The following PDE4B variants were observed in gnomAD, a reference collection of about 807,000 sequenced individuals.
The protein encoded by PDE4B is phosphodiesterase 4B.
Under a neutral mutation model 82.2 loss-of-function variants are expected in PDE4B, and 20 were observed. The observed-to-expected ratio is 0.24, with a 90% CI of 0.17 to 0.35. PDE4B has a LOEUF of 0.35. PDE4B is among the 10% of genes least tolerant of loss of function. The probability of loss-of-function intolerance (pLI) is 1.00; values close to 1 mark genes in which losing one functional copy is unlikely to be tolerated. For synonymous variants in PDE4B, 320 were observed against 318.9 expected, an observed-to-expected ratio of 1.00 and a Z score of -0.04; for missense variants, 655 against 907.2, an observed-to-expected ratio of 0.72 and a Z score of 3.57.
intron 6 of PDE4B, among the ~76,000 whole-genome samples, chr1:66,265,403 C>T (rs1352756454): frequency 6.6e-6 from 1 of 152,140 alleles, no homozygotes; most frequent in African/African-American, 2.4e-5. Context: ...AAAGGAGGAG[C>T]CCCAGTACTA....
intron 3 of PDE4B, among the ~76,000 whole-genome samples, chr1:66,232,300 G>A (rs907836719): frequency 1.3e-5 from 2 of 152,328 alleles, no homozygotes; most frequent in Middle Eastern, 3.4e-3. Flanking sequence ...ACACTGCAAA[G>A]CTCTGTCCGG....
At chr1:65,863,253 A>C (rs1018454068) in intron 1 of PDE4B, among the ~76,000 whole-genome samples, 1 of 151,752 alleles carries the variant, frequency 6.6e-6, no homozygotes, top group African/African-American at 2.4e-5. Context: ...CCTTAATTTC[A>C]TTATCTACCC....
chr1:65,944,931 A>G (rs150051399), intron 3 of PDE4B, among the ~76,000 whole-genome samples: 18 of 152,092 alleles, frequency 1.2e-4, no homozygotes, highest in African/African-American at 3.9e-4. Flanking sequence ...ATACCAGTAG[A>G]TGAATAAGCA....
intron 1 of PDE4B, among the ~76,000 whole-genome samples, chr1:65,864,403 GCT>G (rs887347342): frequency 6.6e-6 from 1 of 152,010 alleles, no homozygotes; most frequent in African/African-American, 2.4e-5. Flanking sequence ...TTGTGCCCTT[GCT>G]GGAGAGGAGT....
intron 3 of PDE4B, among the ~76,000 whole-genome samples, chr1:66,049,180 C>T (rs1399358376): frequency 1.3e-5 from 2 of 151,970 alleles, no homozygotes; most frequent in Non-Finnish European, 2.9e-5. Flanking sequence ...CTAATCATGA[C>T]AAAGTCACTA....
intron 3 of PDE4B, among the ~76,000 whole-genome samples, chr1:66,093,940 A>G (rs978183634): frequency 3.9e-5 from 6 of 152,056 alleles, no homozygotes; most frequent in Admixed American, 6.6e-5. Flanking sequence ...TCAATTTTTT[A>G]TTGAACTTCT....
intron 3 of PDE4B, among the ~76,000 whole-genome samples, chr1:66,064,137 G>A (rs1046837001): frequency 6.6e-6 from 1 of 151,908 alleles, no homozygotes; most frequent in Non-Finnish European, 1.5e-5. Flanking sequence ...TTATATTTTA[G>A]GTTTCGCTCA....
chr1:66,063,391 G>C (rs1394523071), intron 3 of PDE4B, among the ~76,000 whole-genome samples: 1 of 152,020 alleles, frequency 6.6e-6, no homozygotes, highest in Non-Finnish European at 1.5e-5. Context: ...TACAGTGGGT[G>C]CTGGGCTCTG....
intron 3 of PDE4B, among the ~76,000 whole-genome samples, chr1:66,092,044 G>A (rs980639032): frequency 5.3e-5 from 8 of 152,000 alleles, no homozygotes; most frequent in Non-Finnish European, 1.2e-4. Flanking sequence ...AAGGCGGCTT[G>A]TGATAAATAT....
chr1:66,220,176 A>C (rs1457439686), intron 3 of PDE4B, among the ~76,000 whole-genome samples: 1 of 152,194 alleles, frequency 6.6e-6, no homozygotes, highest in Non-Finnish European at 1.5e-5. Context: ...CAAAAAGTTC[A>C]CAAGATTGGA....
intron 3 of PDE4B, among the ~76,000 whole-genome samples, chr1:66,158,607 G>T (rs1406004326): frequency 1.3e-5 from 2 of 152,116 alleles, no homozygotes; most frequent in African/African-American, 4.8e-5. Flanking sequence ...TATATTCAAA[G>T]AAAATCAGTA....
intron 3 of PDE4B, among the ~76,000 whole-genome samples, chr1:66,236,672 A>T (rs1038284696): frequency 2.6e-5 from 4 of 152,158 alleles, no homozygotes; most frequent in African/African-American, 9.7e-5. Context: ...CAAAACGATG[A>T]TGCAGGAGAG....
chr1:66,133,891 G>A (rs1256118611), intron 3 of PDE4B, among the ~76,000 whole-genome samples: 1 of 152,148 alleles, frequency 6.6e-6, no homozygotes, highest in African/African-American at 2.4e-5. Context: ...TTTATCTACT[G>A]TCCTAAAAGC....
At chr1:66,279,875 G>T (rs936618209) in intron 7 of PDE4B, among the ~76,000 whole-genome samples, 32 of 152,098 alleles carry the variant, frequency 2.1e-4, no homozygotes, top group Admixed American at 1.0e-3. Context: ...ATCATCGGGG[G>T]TAATCTCCTT....
At chr1:66,054,402 A>G (rs1283890745) in intron 3 of PDE4B, among the ~76,000 whole-genome samples, 3 of 149,014 alleles carry the variant, frequency 2.0e-5, no homozygotes, top group Non-Finnish European at 1.5e-5. Context: ...AGTCACTATA[A>G]CCAAGTTAAA....
chr1:65,826,127 T>C (rs1646014940), intron 1 of PDE4B, among the ~76,000 whole-genome samples: 1 of 152,194 alleles, frequency 6.6e-6, no homozygotes, highest in African/African-American at 2.4e-5. Flanking sequence ...TCACATTTCA[T>C]AGGAATTCAT....
chr1:66,191,776 G>A (rs749527477), intron 3 of PDE4B, among the ~76,000 whole-genome samples: 14 of 152,212 alleles, frequency 9.2e-5, no homozygotes, highest in South Asian at 8.3e-4. Context: ...CCACGTGGCT[G>A]GGGAGACTTC....
At chr1:66,201,406 G>A (rs1648936775) in intron 3 of PDE4B, among the ~76,000 whole-genome samples, 1 of 152,102 alleles carries the variant, frequency 6.6e-6, no homozygotes, top group Admixed American at 6.5e-5. Flanking sequence ...GATTGGAATA[G>A]TTTCAGAAGG....
rs1162169964 is a variant in PDE4B at position 65,875,807 on chromosome 1, G to A, written c.-70-37438G>A. ...CACACTCTGGGGACTGTGGTGGGGT[G>A]GGGGGAGGGGGGAGGGATAGCATTG... On this transcript the variant is annotated intron_variant, in intron 1 of 16. Transcript: ENST00000341517. Among the ~76,000 whole-genome samples, 3 of 124,412 alleles carry A rather than the reference G, an allele frequency of 2.4e-5. No homozygotes were observed. The Admixed American group carries it at 2.7e-4, about 11-fold the overall frequency. The allele number at this position is 124,412 out of a possible 152,430, so 81.6% of individuals were successfully genotyped here.
Sources: gnomAD v4.1 joint callset for allele counts (sites outside exome capture counted in the v4.1 genomes callset) on GRCh38, gnomAD v4.1.1 for gene constraint, MANE v1.5 for transcripts, NCBI Gene and HGNC (gene_info 2026-07-23, HGNC 2026-07-21) for gene names.